Variants in RAD52 observed in about 807,000 individuals in gnomAD.
RAD52 encodes the protein RAD52 DNA repair protein, also known as DNA repair protein RAD52 homolog.
In RAD52, 47 loss-of-function variants were observed where a neutral mutation model predicts 55.5. That is an observed-to-expected ratio of 0.85 (90% CI 0.67 to 1.08). RAD52 has a LOEUF of 1.08. Ranked by LOEUF, RAD52 falls within the 50% of genes least tolerant of loss-of-function variation. The pLI, the probability that RAD52 is intolerant of heterozygous loss-of-function variation, is 0.00. For missense variants in RAD52, 468 were observed against 522.8 expected, an observed-to-expected ratio of 0.90 and a Z score of 1.02; for synonymous variants, 184 against 198.9, an observed-to-expected ratio of 0.92 and a Z score of 0.63.
chr12:944,648 G>A (rs1185246175), intron 1 of RAD52, among the ~76,000 whole-genome samples: 1 of 150,582 alleles, frequency 6.6e-6, no homozygotes, highest in Non-Finnish European at 1.5e-5. Context: ...AGAAGGGAGA[G>A]AGCCTGGACT....
upstream of RAD52, among the ~76,000 whole-genome samples, chr12:952,619 C>T (rs552125273): frequency 4.7e-4 from 71 of 151,732 alleles, no homozygotes; most frequent in African/African-American, 1.6e-3. Context: ...AGGCTGGGTT[C>T]GGTGCCTCAC....
Position 985,078 on chromosome 12 carries a change from G to A in RAD52, c.-19+4731C>T, listed in dbSNP as rs572200240. ...CCTGCCTCGGCCCCCCAAAGTGCTG[G>A]GATTACAGGCGTGAGCCACCATGCC... On this transcript the variant is annotated intron_variant, in intron 1 of 11. Coordinates refer to the RAD52 transcript ENST00000430095. Among the ~76,000 whole-genome samples the A allele has an allele frequency of 2.6e-5, 4 of 152,138 alleles. No individual in the cohort carries two copies. The South Asian group carries it at 8.3e-4, about 32-fold the overall frequency.
At chr12:974,635 T>C (rs1162987348) in intron 1 of RAD52, 1 of 152,210 alleles carries the variant, frequency 6.6e-6, no homozygotes, top group Non-Finnish European at 1.5e-5. Flanking sequence ...ATTCTCCTCC[T>C]TGCAGCCGAA....
chr12:932,823 A>ACCGCGT, intron 2 of RAD52, 152 bp downstream of exon 2: 9 of 180,848 alleles, frequency 5.0e-5, no homozygotes, highest in South Asian at 8.8e-5. Context: ...TCACACACGT[A>ACCGCGT]CTAGGTAAAC....
chr12:913,257 G>A lies in RAD52; in HGVS notation c.*134C>T, dbSNP rs149936932. On this transcript the variant is annotated 3_prime_UTR_variant, in exon 12 of 12. Transcript: ENST00000358495. ...AGTGGGCTCTCAGTCAGATCCTCTTGATAAGGTTCAGAATGAAGCAAGATA... is the reference window on the plus strand; with the variant it reads ...AGTGGGCTCTCAGTCAGATCCTCTTAATAAGGTTCAGAATGAAGCAAGATA... 17 of 753,374 alleles carry A rather than the reference G, an allele frequency of 2.3e-5. No individual in the cohort carries two copies. The highest frequency in any genetic ancestry group is 3.4e-5 in the Non-Finnish European group (15 of 447,380). The allele number at this position is 753,374 out of a possible 1,614,324, so 46.7% of individuals were successfully genotyped here.
At chr12:929,921 A>C (rs770220717) in intron 4 of RAD52, 35 bp from the exon 5 acceptor site, 3 of 1,597,242 alleles carry the variant, frequency 1.9e-6, no homozygotes, top group Admixed American at 1.7e-5. Context: ...TGAAGAGGAC[A>C]CTGACCGCTG....
intron 3 of RAD52, 140 bp downstream of exon 3, chr12:931,080 C>A: frequency 1.7e-6 from 1 of 604,608 alleles, no homozygotes; most frequent in Non-Finnish European, 2.8e-6. Flanking sequence ...GGAACCCATC[C>A]CCTCCCAGGG....
rs368136612 is a variant in RAD52, at chr12:914,438, T to G, written c.960A>C (p.Glu320Asp). Reference sequence around the variant, plus strand: ...GCATTTCAAGGTATTTACTGATTAATTCTTGAGTCACTCCTGCAAGGAAGT... The same window carrying G: ...GCATTTCAAGGTATTTACTGATTAAGTCTTGAGTCACTCCTGCAAGGAAGT... ...EKDFLAGVTQELIKTLEDNSE... is the reference protein window; with the variant it reads ...EKDFLAGVTQDLIKTLEDNSE... The change falls in exon 10 of 12, where the codon GAA becomes GAC. Residue 320 changes from glutamate (E) to aspartate (D), a missense_variant. By Grantham distance (45) the Glu-to-Asp change is conservative. Transcript: ENST00000358495. The G allele has an allele frequency of 3.8e-5, 61 of 1,613,862 alleles. No individual in the cohort carries two copies. In the African/African-American group the frequency reaches 6.7e-4, roughly 18 times the overall value.
chr12:935,018 G>A (rs1957539621), intron 1 of RAD52, among the ~76,000 whole-genome samples: 1 of 152,098 alleles, frequency 6.6e-6, no homozygotes, highest in Non-Finnish European at 1.5e-5. Flanking sequence ...GGGAGGCTGA[G>A]GCAGGAGAAT....
chr12:984,317 T>C (rs1257511232), intron 1 of RAD52, among the ~76,000 whole-genome samples: 1 of 151,942 alleles, frequency 6.6e-6, no homozygotes, highest in Non-Finnish European at 1.5e-5. Flanking sequence ...TGCCTCATCC[T>C]CCCGAATAGC....
intron 7 of RAD52, among the ~76,000 whole-genome samples, chr12:922,254 A>G (rs1423804692): frequency 6.6e-6 from 1 of 151,406 alleles, no homozygotes; most frequent in Non-Finnish European, 1.5e-5. Flanking sequence ...TAGGATTTAG[A>G]AAAATCTGAA....
At chr12:953,215 G>C (rs763104903), upstream of RAD52, among the ~76,000 whole-genome samples, 3 of 151,498 alleles carry the variant, frequency 2.0e-5, no homozygotes, top group Non-Finnish European at 2.9e-5. Flanking sequence ...TGAGGCAAGA[G>C]AATTGTTTGA....
chr12:969,063 CA>C (rs1362931466), intron 1 of RAD52, among the ~76,000 whole-genome samples: 3 of 152,032 alleles, frequency 2.0e-5, no homozygotes, highest in African/African-American at 7.3e-5. Context: ...ATTCCCTAAA[CA>C]ATACAGTATA....
chr12:945,294 T>G (rs1189125868), intron 1 of RAD52, among the ~76,000 whole-genome samples: 1 of 151,010 alleles, frequency 6.6e-6, no homozygotes, highest in South Asian at 2.1e-4. Context: ...AAGGTTGCAG[T>G]GAGCCAAGAT....
intron 1 of RAD52, among the ~76,000 whole-genome samples, chr12:961,072 C>T (rs1958676025): frequency 6.6e-6 from 1 of 151,774 alleles, no homozygotes; most frequent in Non-Finnish European, 1.5e-5. Context: ...AATCCCAGCA[C>T]TTTGGGAGGC....
At chr12:921,935 A>G (rs1262756205) in intron 7 of RAD52, among the ~76,000 whole-genome samples, 3 of 150,566 alleles carry the variant, frequency 2.0e-5, no homozygotes, top group Non-Finnish European at 3.0e-5. Context: ...GTGAAACCCC[A>G]TCTCTACTAA....
intron 1 of RAD52, among the ~76,000 whole-genome samples, chr12:933,394 G>A (rs568958053): frequency 6.6e-6 from 1 of 151,326 alleles, no homozygotes; most frequent in African/African-American, 2.4e-5. Context: ...GGAGGCGGAG[G>A]TTGCAGTGAT....
chr12:949,889 C>T (rs1327806882), upstream of RAD52, among the ~76,000 whole-genome samples: 1 of 152,212 alleles, frequency 6.6e-6, no homozygotes, highest in Admixed American at 6.5e-5. Flanking sequence ...GCCGCTCGCC[C>T]TGCCGCTTCC....
intron 1 of RAD52, among the ~76,000 whole-genome samples, chr12:981,332 C>A (rs1218612395): frequency 1.3e-5 from 2 of 150,744 alleles, no homozygotes; most frequent in East Asian, 4.0e-4. Flanking sequence ...AACCCTATCT[C>A]AAAACAACAA....
Sources: allele counts gnomAD v4.1 joint callset (sites outside exome capture counted in the v4.1 genomes callset), GRCh38; gene constraint gnomAD v4.1.1; transcripts MANE v1.5; gene names NCBI Gene and HGNC (gene_info 2026-07-23, HGNC 2026-07-21).